KRT72: variants seen among roughly 807,000 people sequenced by gnomAD.
KRT72 encodes the protein keratin 72, also known as keratin, type II cytoskeletal 72.
A neutral mutation model predicts 44.7 loss-of-function variants in KRT72; 44 were observed. The ratio of observed to expected loss-of-function variants is 0.98; its 90% CI spans 0.77 to 1.27. The LOEUF (loss-of-function observed/expected upper bound fraction) is 1.27. Ranked by LOEUF, KRT72 falls within the 50% of genes most tolerant of loss-of-function variation. The probability of loss-of-function intolerance (pLI) is 0.00; values close to 1 mark genes in which losing one functional copy is unlikely to be tolerated. For missense variants in KRT72, 736 were observed against 667.1 expected (o/e 1.10, Z -1.14); for synonymous variants, 302 against 280.4 (o/e 1.08, Z -0.77).
Position 52,587,810 on chromosome 12 carries a change from C to T in KRT72, c.1131G>A (p.Arg377=), listed in dbSNP as rs1003341263. 7 of 1,614,106 alleles carry T rather than the reference C, an allele frequency of 4.3e-6. No homozygotes were observed. Among genetic ancestry groups the T allele is most frequent in the Admixed American group, 1.7e-5 (1 of 60,006 alleles). ...LETAIADAEQ[R]GDCALKDARA... The stretch of plus-strand genomic sequence containing the variant: ...GGGCATCTTTCAGGGCGCAGTCCCC[C>T]CGCTGTTCAGCGTCGGCGATGGCCG... The change falls in exon 7 of 9, where the codon CGG becomes CGA. Residue 377 remains arginine (R), a synonymous_variant. Transcript: ENST00000293745.
intron 8 of KRT72, 70 bp downstream of exon 8, chr12:52,586,876 T>A: frequency 7.1e-7 from 1 of 1,410,964 alleles, no homozygotes; most frequent in Non-Finnish European, 1.0e-6. Flanking sequence ...CTCTTTTGTG[T>A]CATGAATTAA....
rs1294327989 is a variant in KRT72 at position 52,601,117 on chromosome 12, C to A, written c.336G>T (p.Val112=). 5 of 1,613,072 alleles carry A rather than the reference C, an allele frequency of 3.1e-6. No homozygotes were observed. The African/African-American group carries it at 6.7e-5, about 22-fold the overall frequency. Residue 112 remains valine (V), a synonymous_variant, in exon 1 of 9, where the codon GTG becomes GTT. Transcript: ENST00000293745. Reference sequence around the variant, plus strand: ...CCCTCTGGATCTCGGGGTCCATCTCCACGTTGAGCGGGGCCAGGAGGCTCT... The same window carrying A: ...CCCTCTGGATCTCGGGGTCCATCTCAACGTTGAGCGGGGCCAGGAGGCTCT... ...VNKSLLAPLN[V]EMDPEIQRVR...
At chr12:52,591,843 C>T (rs906203188) in intron 4 of KRT72, among the ~76,000 whole-genome samples, 4 of 152,186 alleles carry the variant, frequency 2.6e-5, no homozygotes, top group Non-Finnish European at 5.9e-5. Context: ...CTCAGGAGCA[C>T]TCCTGCACCC....
At chr12:52,592,807 A>G in intron 3 of KRT72, 85 bp downstream of exon 3, 2 of 1,108,276 alleles carry the variant, frequency 1.8e-6, no homozygotes, top group Non-Finnish European at 2.7e-6. Flanking sequence ...AGTGACCTAC[A>G]GGGCCCCTTT....
At chr12:52,602,874 C>G (rs1287479962), upstream of KRT72, among the ~76,000 whole-genome samples, 1 of 152,146 alleles carries the variant, frequency 6.6e-6, no homozygotes, top group African/African-American at 2.4e-5. Context: ...TAATAACAGC[C>G]GAAGCGTTTA....
intron 1 of KRT72, 196 bp from the exon 2 acceptor site, chr12:52,599,308 T>C: frequency 1.5e-6 from 1 of 659,294 alleles, no homozygotes; most frequent in African/African-American, 1.8e-5. Context: ...CCGGTCTATA[T>C]GGAATCAGGA....
rs1479551707 is a variant in KRT72, at chr12:52,590,934, G to A, written c.991C>T (p.Gln331Ter). Residue 331 changes from glutamine to a stop codon, truncating the protein, a stop_gained, in exon 6 of 9, where the codon CAG (glutamine) becomes TAG (stop). Transcript: ENST00000293745. LOFTEE classifies it high-confidence loss of function. The part of the protein sequence containing the change: ...KIQELQVTAG[Q>*]HGDDLKLTKA... ...GTGAGCTTGAGGTCATCCCCATGCT[G>A]GCCTGCTGTGACCTGCAGCTCCTGG... 1.9e-6 allele frequency: 3 copies of A among 1,602,938 alleles called. No homozygotes were observed. The highest frequency in any genetic ancestry group is 1.7e-5 in the Admixed American group (1 of 59,886).
At chr12:52,600,505 G>C (rs192295125) in intron 1 of KRT72, among the ~76,000 whole-genome samples, 2 of 152,302 alleles carry the variant, frequency 1.3e-5, no homozygotes. Flanking sequence ...TGTTGTGGGA[G>C]GGACCCAGGG....
intron 2 of KRT72, among the ~76,000 whole-genome samples, chr12:52,598,325 C>T (rs1940287309): frequency 1.3e-5 from 2 of 152,166 alleles, no homozygotes; most frequent in African/African-American, 2.4e-5. Context: ...GCCACCTGTC[C>T]CTAGAAATCC....
At position 52,587,784 on chromosome 12, in the gene KRT72, C is replaced by T. The variant is rs748635916; in HGVS notation, c.1157G>A (p.Arg386Gln). Reference sequence around the variant, plus strand: ...GCCCTCCAGCTCATCCAGCTTGGCCCGGGCATCTTTCAGGGCGCAGTCCCC... The same window carrying T: ...GCCCTCCAGCTCATCCAGCTTGGCCTGGGCATCTTTCAGGGCGCAGTCCCC... ...QRGDCALKDARAKLDELEGAL... is the reference protein window; with the variant it reads ...QRGDCALKDAQAKLDELEGAL... Residue 386 changes from arginine (R) to glutamine (Q), a missense_variant, in exon 7 of 9, where the codon CGG becomes CAG. By Grantham distance (43) the Arg-to-Gln change is conservative. Coordinates refer to ENST00000293745, the MANE Select transcript of KRT72 (RefSeq NM_080747.3). 6.8e-6 allele frequency: 11 copies of T among 1,614,200 alleles called. No individual in the cohort carries two copies. The South Asian group carries it at 8.8e-5, about 13-fold the overall frequency.
At position 52,601,073 on chromosome 12, in the gene KRT72, T is replaced by G. The variant is rs777055986; in HGVS notation, c.380A>C (p.Glu127Ala). 2.5e-6 allele frequency: 4 copies of G among 1,612,430 alleles called. No homozygotes were observed. In the South Asian group the frequency reaches 4.4e-5, roughly 18 times the overall value. ...CTTGTTGTTTAGCGCCTTGATCTGCTCCCGCTCCTGGGCGCGCACCCTCTG... is the reference window on the plus strand; with the variant it reads ...CTTGTTGTTTAGCGCCTTGATCTGCGCCCGCTCCTGGGCGCGCACCCTCTG... Reference protein sequence around the residue: ...EIQRVRAQEREQIKALNNKFA... With the variant: ...EIQRVRAQERAQIKALNNKFA... The change falls in exon 1 of 9, where the codon GAG (glutamate) becomes GCG (alanine). Residue 127 changes from glutamate to alanine, a missense_variant. Glu to Ala is a moderately radical substitution (Grantham distance 107, BLOSUM62 -1). Coordinates refer to ENST00000293745, the MANE Select transcript of KRT72 (RefSeq NM_080747.3).
At chr12:52,600,885 T>C in intron 1 of KRT72, 142 bp downstream of exon 1, 1 of 837,514 alleles carries the variant, frequency 1.2e-6, no homozygotes, top group Non-Finnish European at 1.9e-6. Flanking sequence ...AGACCCATTA[T>C]TGTGCCCATT....
rs11170188 is a variant in KRT72, at chr12:52,599,171, G to A, written c.427-59C>T. 6,864 of 1,561,526 alleles carry A rather than the reference G, an allele frequency of 4.4e-3. 271 individuals carry two copies. In the African/African-American group the frequency reaches 0.082, roughly 19 times the overall value. ...CCATGTTGTTGCCTCTCAAGAGTGG[G>A]GAAAGGGCCCCAAAAACCAGAGGCA... On this transcript the variant is annotated intron_variant, in intron 1 of 8. Transcript: ENST00000293745.
chr12:52,594,292 A>G (rs912827164), intron 2 of KRT72, among the ~76,000 whole-genome samples: 4 of 152,224 alleles, frequency 2.6e-5, no homozygotes, highest in African/African-American at 9.6e-5. Flanking sequence ...TCATGCTACT[A>G]TAAAGACACA....
intron 6 of KRT72, 120 bp downstream of exon 6, chr12:52,590,716 T>G (rs1357354624): frequency 1.1e-6 from 1 of 949,302 alleles, no homozygotes; most frequent in Non-Finnish European, 1.5e-6. Flanking sequence ...GATCATCCTC[T>G]CCTGGTAAAT....
intron 3 of KRT72, 139 bp from the exon 4 acceptor site, chr12:52,592,630 C>G: frequency 1.5e-6 from 1 of 680,926 alleles, no homozygotes; most frequent in South Asian, 1.9e-5. Flanking sequence ...CCCTTCAGTC[C>G]CTGAGAGTAA....
Position 52,601,339 on chromosome 12 carries a change from G to T in KRT72, c.114C>A (p.Val38=). ...GSSSASFRAR[V]KGSASFGSKS... ...TGCTGCCAAAGGAGGCCGAGCCCTT[G>T]ACCCGGGCCCGGAATGAGGCGGAGC... Residue 38 remains valine (V), a synonymous_variant, in exon 1 of 9, where the codon GTC becomes GTA. Coordinates refer to ENST00000293745, the MANE Select transcript of KRT72 (RefSeq NM_080747.3). 1 of 1,545,426 alleles carries T rather than the reference G, an allele frequency of 6.5e-7. No individual in the cohort carries two copies.
At chr12:52,587,135 C>G (rs1016576288) in intron 7 of KRT72, among the ~76,000 whole-genome samples, 155 bp from the exon 8 acceptor site, 1 of 152,174 alleles carries the variant, frequency 6.6e-6, no homozygotes, top group African/African-American at 2.4e-5. Context: ...GCGACCCCCA[C>G]CAAGAAATAG....
chr12:52,591,656 G>A, intron 4 of KRT72, 28 bp from the exon 5 acceptor site: 4 of 1,586,920 alleles, frequency 2.5e-6, no homozygotes, highest in African/African-American at 1.3e-5. Context: ...AGGGGAGCTA[G>A]TTAAGGGGTA....
Sources: allele counts gnomAD v4.1 joint callset (sites outside exome capture counted in the v4.1 genomes callset), GRCh38; gene constraint gnomAD v4.1.1; transcripts MANE v1.5; gene names NCBI Gene and HGNC (gene_info 2026-07-23, HGNC 2026-07-21).